The following ETHE1 variants were observed in gnomAD, a reference collection of about 807,000 sequenced individuals.
The protein encoded by ETHE1 is ETHE1 persulfide dioxygenase.
ETHE1 carries 16 observed loss-of-function variants against 25.7 expected under a neutral mutation model. The ratio of observed to expected loss-of-function variants is 0.62; its 90% CI spans 0.42 to 0.95. ETHE1 has a LOEUF of 0.95. ETHE1 is among the 40% of genes least tolerant of loss of function. ETHE1 has a pLI of 0.00. For missense variants in ETHE1, 300 were observed against 333.6 expected (o/e 0.90, Z 0.79); for synonymous variants, 139 against 135.9 (o/e 1.02, Z -0.16).
At chr19:43,517,586 C>T (rs1457177376) in intron 3 of ETHE1, among the ~76,000 whole-genome samples, 2 of 151,112 alleles carry the variant, frequency 1.3e-5, no homozygotes, top group East Asian at 2.0e-4. Context: ...AGATCAGCCT[C>T]GCCAACATGG....
intron 3 of ETHE1, among the ~76,000 whole-genome samples, chr19:43,525,262 A>T (rs990714065): frequency 6.6e-6 from 1 of 152,096 alleles, no homozygotes. Flanking sequence ...TGTACAATGC[A>T]TTTTTGCCTG....
At chr19:43,512,853 G>C (rs1042006241) in intron 3 of ETHE1, among the ~76,000 whole-genome samples, 1 of 152,160 alleles carries the variant, frequency 6.6e-6, no homozygotes, top group African/African-American at 2.4e-5. Flanking sequence ...ATGTCTCCAG[G>C]GCATGTCAGA....
intron 6 of ETHE1, 43 bp from the exon 7 acceptor site, chr19:43,506,945 G>C: frequency 1.2e-6 from 2 of 1,604,022 alleles, no homozygotes; most frequent in Non-Finnish European, 1.7e-6. Flanking sequence ...GGCCTAGGTA[G>C]AGTTCCAGGC....
At chr19:43,513,499 G>C (rs575367690) in intron 3 of ETHE1, among the ~76,000 whole-genome samples, 2 of 152,216 alleles carry the variant, frequency 1.3e-5, no homozygotes, top group Non-Finnish European at 2.9e-5. Context: ...TGGAGTAAAA[G>C]ATCTTTTTGG....
intron 1 of ETHE1, 149 bp downstream of exon 1, chr19:43,526,948 C>G: frequency 6.6e-7 from 1 of 1,517,062 alleles, no homozygotes; most frequent in South Asian, 1.2e-5. Context: ...TTTAAAGGAC[C>G]CAAGAGTCCA....
chr19:43,508,632 CT>C lies in ETHE1; in HGVS notation c.595+142del, dbSNP rs148616222. On this transcript the variant is annotated intron_variant, in intron 5 of 6. Coordinates refer to ENST00000292147, the MANE Select transcript of ETHE1 (RefSeq NM_014297.5). ...TGCTAGGATTACAAGTGTGAGCCCC[CT>C]TGCCCAGCCTCAAACACTTAATTTT... The C allele has an allele frequency of 1.7e-3, 1,281 of 758,348 alleles. 16 individuals are homozygous for C. In the African/African-American group the frequency reaches 0.02, roughly 12 times the overall value. The allele number at this position is 758,348 out of a possible 1,614,324, so 47.0% of individuals were successfully genotyped here. A position where few individuals can be genotyped will look rare whatever the true frequency, so the allele number is the denominator to read the frequency against.
At chr19:43,518,639 T>C (rs1163452194) in intron 3 of ETHE1, among the ~76,000 whole-genome samples, 1 of 149,676 alleles carries the variant, frequency 6.7e-6, no homozygotes, top group Non-Finnish European at 1.5e-5. Context: ...TAGTCCCAGC[T>C]ACTCGGGAGG....
rs901230825 is a variant in ETHE1, at chr19:43,508,059, C to T, written c.597G>A (p.Gly199=). ...CLIYPAHDYH[G]FTVSTVEEER... ...CCTCCTCCACGGTGGACACTGTGAA[C>T]CCTAGGGGCCAAGGGAGGGGAAGGA... Residue 199 remains glycine, a splice_region_variant and synonymous_variant, in exon 6 of 7, where the codon GGG becomes GGA. Transcript: ENST00000292147. 4.3e-6 allele frequency: 7 copies of T among 1,613,628 alleles called. No homozygotes were observed. The highest frequency in any genetic ancestry group is 1.7e-4 in the Middle Eastern group (1 of 5,970).
At chr19:43,512,621 G>T (rs1001270015) in intron 3 of ETHE1, among the ~76,000 whole-genome samples, 1 of 152,062 alleles carries the variant, frequency 6.6e-6, no homozygotes, top group Non-Finnish European at 1.5e-5. Flanking sequence ...TGACTTGAGT[G>T]CTGTTAAAAG....
intron 4 of ETHE1, among the ~76,000 whole-genome samples, chr19:43,510,560 C>T (rs1159472230): frequency 6.6e-6 from 1 of 151,830 alleles, no homozygotes; most frequent in African/African-American, 2.4e-5. Flanking sequence ...GTCTTGAACT[C>T]CTGACCTCAT....
chr19:43,509,243 T>G (rs528306503), intron 4 of ETHE1, among the ~76,000 whole-genome samples: 2 of 152,244 alleles, frequency 1.3e-5, no homozygotes, highest in South Asian at 4.1e-4. Context: ...ATGCCTGTAA[T>G]CCTAGCACTT....
At chr19:43,517,637 CGTGGTG>C (rs1972048333) in intron 3 of ETHE1, among the ~76,000 whole-genome samples, 1 of 151,658 alleles carries the variant, frequency 6.6e-6, no homozygotes, top group Admixed American at 6.6e-5. Context: ...ATTAGTCAGG[CGTGGTG>C]GTGATGTCTG....
At chr19:43,518,617 G>A (rs900678527) in intron 3 of ETHE1, among the ~76,000 whole-genome samples, 1 of 151,566 alleles carries the variant, frequency 6.6e-6, no homozygotes, top group African/African-American at 2.4e-5. Flanking sequence ...TGGGCGTGGT[G>A]GTGGGCGTCT....
chr19:43,512,543 T>C (rs921457694), intron 3 of ETHE1, among the ~76,000 whole-genome samples: 2 of 152,078 alleles, frequency 1.3e-5, no homozygotes, highest in African/African-American at 2.4e-5. Context: ...GGGTACCTAG[T>C]AGAAGAAATT....
At chr19:43,514,720 G>A (rs983881841) in intron 3 of ETHE1, among the ~76,000 whole-genome samples, 1 of 151,910 alleles carries the variant, frequency 6.6e-6, no homozygotes, top group African/African-American at 2.4e-5. Context: ...TCCTGACCAC[G>A]TGATCCACCT....
chr19:43,507,137 CTCCT>C (rs1971789675), intron 6 of ETHE1, among the ~76,000 whole-genome samples: 1 of 126,608 alleles, frequency 7.9e-6, no homozygotes, highest in African/African-American at 3.1e-5. Flanking sequence ...CCCCCAGCCC[CTCCT>C]CCCTCAGACC....
At chr19:43,511,714 A>ACTTG in intron 3 of ETHE1, 148 bp from the exon 4 acceptor site, 1 of 886,078 alleles carries the variant, frequency 1.1e-6, no homozygotes, top group Non-Finnish European at 1.7e-6. Flanking sequence ...TTATATTATC[A>ACTTG]GAGTAAACTC....
intron 3 of ETHE1, among the ~76,000 whole-genome samples, chr19:43,523,189 T>C (rs1025484095): frequency 6.6e-6 from 1 of 152,198 alleles, no homozygotes; most frequent in African/African-American, 2.4e-5. Flanking sequence ...GCAAGTTCTG[T>C]ATCGGGATCT....
chr19:43,520,625 A>C (rs1972120483), intron 3 of ETHE1, among the ~76,000 whole-genome samples: 1 of 151,850 alleles, frequency 6.6e-6, no homozygotes, highest in South Asian at 2.1e-4. Context: ...CGCTTGAGCC[A>C]GGAGGTTGAG....
Sources: gnomAD v4.1 joint callset for allele counts (sites outside exome capture counted in the v4.1 genomes callset) on GRCh38, gnomAD v4.1.1 for gene constraint, MANE v1.5 for transcripts, NCBI Gene and HGNC (gene_info 2026-07-23, HGNC 2026-07-21) for gene names.